Variants in SYT1 observed in about 807,000 individuals in gnomAD.
SYT1 encodes synaptotagmin 1, also known as synaptotagmin-1.
In SYT1, 8 loss-of-function variants were observed where a neutral mutation model predicts 44.8. The ratio of observed to expected loss-of-function variants is 0.18; its 90% CI spans 0.10 to 0.32. The LOEUF (loss-of-function observed/expected upper bound fraction) is 0.32, where lower values mean the gene tolerates loss of function less well. SYT1 is among the 10% of genes least tolerant of loss of function. The pLI is 1.00. For synonymous variants in SYT1, 154 were observed against 188.8 expected, an observed-to-expected ratio of 0.82 and a Z score of 1.51; for missense variants, 286 against 509.3, an observed-to-expected ratio of 0.56 and a Z score of 4.22.
chr12:79,306,242 C>T (rs1331110785), intron 8 of SYT1, among the ~76,000 whole-genome samples: 1 of 152,206 alleles, frequency 6.6e-6, no homozygotes, highest in African/African-American at 2.4e-5. Context: ...TGTTCTATCA[C>T]CTTTGAGAGA....
At chr12:79,368,843 T>A (rs1014505689) in intron 9 of SYT1, among the ~76,000 whole-genome samples, 2 of 152,238 alleles carry the variant, frequency 1.3e-5, no homozygotes, top group African/African-American at 4.8e-5. Context: ...TCCCATTCTG[T>A]AGGTTGCCTG....
At chr12:78,938,040 C>T (rs906751890) in intron 1 of SYT1, among the ~76,000 whole-genome samples, 1 of 152,138 alleles carries the variant, frequency 6.6e-6, no homozygotes, top group Non-Finnish European at 1.5e-5. Context: ...GATGTAAAGA[C>T]TGGAAACTGG....
At chr12:79,380,647 C>T (rs1454316077) in intron 9 of SYT1, among the ~76,000 whole-genome samples, 1 of 152,188 alleles carries the variant, frequency 6.6e-6, no homozygotes, top group East Asian at 1.9e-4. Flanking sequence ...CTCAGCCTTC[C>T]AGGTATCTGG....
At chr12:79,405,102 G>C (rs1885198176) in intron 9 of SYT1, among the ~76,000 whole-genome samples, 1 of 152,190 alleles carries the variant, frequency 6.6e-6, no homozygotes. Context: ...CTGGAAGCTA[G>C]TGCTCTATCA....
chr12:78,946,738 A>T (rs1389416738), intron 1 of SYT1, among the ~76,000 whole-genome samples: 1 of 152,120 alleles, frequency 6.6e-6, no homozygotes, highest in Non-Finnish European at 1.5e-5. Flanking sequence ...GCATGTATTT[A>T]TAAAACCTGG....
intron 2 of SYT1, among the ~76,000 whole-genome samples, chr12:78,999,278 A>G (rs568949236): frequency 6.6e-5 from 10 of 152,334 alleles, no homozygotes; most frequent in African/African-American, 2.4e-4. Context: ...GAAAGGCAGC[A>G]AACAATTTAG....
At chr12:79,120,106 G>A (rs117657676) in intron 3 of SYT1, among the ~76,000 whole-genome samples, 1,642 of 152,118 alleles carry the variant, frequency 0.011, 22 homozygotes, top group South Asian at 0.042. Context: ...GTGGGCAATA[G>A]CACCACACAA....
intron 1 of SYT1, among the ~76,000 whole-genome samples, chr12:78,869,448 G>A (rs1873707368): frequency 6.6e-6 from 1 of 151,822 alleles, no homozygotes. Flanking sequence ...ATTAACTTTT[G>A]TTTTATTAAA....
intron 1 of SYT1, among the ~76,000 whole-genome samples, chr12:78,872,551 T>C (rs1873877969): frequency 6.6e-6 from 1 of 151,842 alleles, no homozygotes; most frequent in Non-Finnish European, 1.5e-5. Context: ...TTCCTTTGTG[T>C]TCTCTTCCTT....
chr12:79,350,881 C>A (rs1326076688), intron 8 of SYT1, among the ~76,000 whole-genome samples: 1 of 152,082 alleles, frequency 6.6e-6, no homozygotes, highest in African/African-American at 2.4e-5. Flanking sequence ...ATAAAGGACA[C>A]AAATTTCAGG....
chr12:79,020,444 A>G (rs1353063008), intron 2 of SYT1, among the ~76,000 whole-genome samples: 2 of 151,976 alleles, frequency 1.3e-5, no homozygotes, highest in Admixed American at 1.3e-4. Context: ...CTGAAAAAGA[A>G]GAAAATATTA....
At chr12:79,111,935 CTTAACT>C (rs1879035286) in intron 3 of SYT1, among the ~76,000 whole-genome samples, 1 of 151,708 alleles carries the variant, frequency 6.6e-6, no homozygotes, top group Admixed American at 6.6e-5. Context: ...TTCATTTCAA[CTTAACT>C]GTTTATTGCA....
intron 4 of SYT1, among the ~76,000 whole-genome samples, chr12:79,221,850 T>C (rs1196160381): frequency 6.6e-6 from 1 of 152,192 alleles, no homozygotes; most frequent in Non-Finnish European, 1.5e-5. Flanking sequence ...ATTACAGTGT[T>C]ATAGTATTCT....
chr12:79,114,064 A>C (rs972424880), intron 3 of SYT1, among the ~76,000 whole-genome samples: 5 of 152,166 alleles, frequency 3.3e-5, no homozygotes, highest in Non-Finnish European at 7.4e-5. Context: ...GCAGGGTAGT[A>C]GAAGAAAAAG....
intron 9 of SYT1, chr12:79,393,806 AT>A (rs1884765763): frequency 6.6e-6 from 1 of 152,160 alleles, no homozygotes; most frequent in Admixed American, 6.5e-5. Flanking sequence ...CTTTCGTTTA[AT>A]TAAATCCCAT....
At chr12:79,263,308 T>C (rs1420748124) in intron 4 of SYT1, among the ~76,000 whole-genome samples, 1 of 151,972 alleles carries the variant, frequency 6.6e-6, no homozygotes, top group Admixed American at 6.6e-5. Context: ...TCTACTATTT[T>C]CTTTCTTTCT....
intron 8 of SYT1, among the ~76,000 whole-genome samples, chr12:79,335,126 A>T (rs1882030627): frequency 6.6e-6 from 1 of 152,136 alleles, no homozygotes; most frequent in African/African-American, 2.4e-5. Flanking sequence ...GCTTAATAGT[A>T]AATTCCATTC....
At chr12:79,271,687 G>GA (rs1380417602) in intron 4 of SYT1, among the ~76,000 whole-genome samples, 3 of 152,044 alleles carry the variant, frequency 2.0e-5, no homozygotes, top group African/African-American at 7.2e-5. Flanking sequence ...TACTTGTCAT[G>GA]AAAAAACAGG....
rs985361128 is a variant in SYT1, at chr12:79,009,321, TG to T, written c.-84+31391del. On this transcript the variant is annotated intron_variant, in intron 2 of 10. Coordinates refer to ENST00000261205, the MANE Select transcript of SYT1 (RefSeq NM_005639.3). ...TGGTTTTTGTTTGTTTGTTTTGTTT[TG>T]TTTTTGAATTCCAATTATTTATGTA... Among the ~76,000 whole-genome samples the T allele has an allele frequency of 5.7e-4, 87 of 152,194 alleles. 1 individual carries two copies. The highest frequency in any genetic ancestry group is 2.0e-3 in the African/African-American group (83 of 41,464).
Sources: gnomAD v4.1 joint callset for allele counts (sites outside exome capture counted in the v4.1 genomes callset) on GRCh38, gnomAD v4.1.1 for gene constraint, MANE v1.5 for transcripts, NCBI Gene and HGNC (gene_info 2026-07-23, HGNC 2026-07-21) for gene names.